Variants in RAPGEF6 observed in about 807,000 individuals in gnomAD.
RAPGEF6 encodes the protein Rap guanine nucleotide exchange factor 6.
Under a neutral mutation model 171.4 loss-of-function variants are expected in RAPGEF6, and 56 were observed. That is an observed-to-expected ratio of 0.33 (90% CI 0.26 to 0.41). RAPGEF6 has a LOEUF of 0.41. RAPGEF6 is among the 10% of genes least tolerant of loss of function. The probability of loss-of-function intolerance (pLI) is 1.00; values close to 1 mark genes in which losing one functional copy is unlikely to be tolerated. For synonymous variants in RAPGEF6, 692 were observed against 650.1 expected (o/e 1.06, Z -0.98); for missense variants, 1,674 against 1,921.4 (o/e 0.87, Z 2.41).
At chr5:131,509,465 C>T (rs1314313071) in intron 8 of RAPGEF6, among the ~76,000 whole-genome samples, 1 of 151,886 alleles carries the variant, frequency 6.6e-6, no homozygotes, top group Non-Finnish European at 1.5e-5. Flanking sequence ...ATGGCGTGAA[C>T]CCGGGAGGCG....
At chr5:131,634,082 ACACTACATAT>A (rs1457445676) in intron 1 of RAPGEF6, among the ~76,000 whole-genome samples, 2 of 152,208 alleles carry the variant, frequency 1.3e-5, no homozygotes, top group Non-Finnish European at 2.9e-5. Flanking sequence ...AGTATGCAAA[ACACTACATAT>A]CTGAAAAACT....
intron 7 of RAPGEF6, 125 bp from the exon 8 acceptor site, chr5:131,510,616 T>A: frequency 6.3e-6 from 5 of 787,792 alleles, no homozygotes; most frequent in Non-Finnish European, 7.8e-6. Context: ...GGATGCTGCA[T>A]CAAGAATACA....
At chr5:131,436,070 C>T in intron 24 of RAPGEF6, 2 of 1,537,736 alleles carry the variant, frequency 1.3e-6, no homozygotes, top group South Asian at 1.2e-5. Context: ...ATGTTGCTTC[C>T]AACATCCTTC....
At chr5:131,600,769 A>G (rs1457068223) in intron 3 of RAPGEF6, among the ~76,000 whole-genome samples, 1 of 152,146 alleles carries the variant, frequency 6.6e-6, no homozygotes, top group Non-Finnish European at 1.5e-5. Flanking sequence ...CAAAAGTAAA[A>G]CTCAATTCCA....
At chr5:131,443,480 A>G (rs1329336070) in intron 22 of RAPGEF6, among the ~76,000 whole-genome samples, 1 of 152,226 alleles carries the variant, frequency 6.6e-6, no homozygotes, top group Non-Finnish European at 1.5e-5. Context: ...TTCTCACTGT[A>G]TCAATTCTAG....
At chr5:131,609,894 C>T (rs866122236) in intron 1 of RAPGEF6, among the ~76,000 whole-genome samples, 4 of 152,180 alleles carry the variant, frequency 2.6e-5, no homozygotes, top group African/African-American at 9.7e-5. Context: ...TAGAATCCCA[C>T]ATACCAGAGT....
intron 19 of RAPGEF6, among the ~76,000 whole-genome samples, chr5:131,457,783 C>A (rs536458316): frequency 2.0e-5 from 3 of 152,184 alleles, no homozygotes; most frequent in South Asian, 4.2e-4. Flanking sequence ...GAATGCCCCA[C>A]AGATACTGAG....
chr5:131,472,655 G>A lies in RAPGEF6; in HGVS notation c.2171C>T (p.Thr724Ile). 2 of 1,613,800 alleles carry A rather than the reference G, an allele frequency of 1.2e-6. No individual in the cohort carries two copies. Among genetic ancestry groups the A allele is most frequent in the Non-Finnish European group, 1.7e-6 (2 of 1,179,656 alleles). Residue 724 changes from threonine (T) to isoleucine (I), a missense_variant, in exon 17 of 28, where the codon ACA becomes ATA. By Grantham distance (89) the Thr-to-Ile change is moderately conservative (BLOSUM62 -1). Coordinates refer to ENST00000509018, the MANE Select transcript of RAPGEF6 (RefSeq NM_016340.6). ...HSLAIMPIPGTLSSSSPDLLQ... is the reference protein window; with the variant it reads ...HSLAIMPIPGILSSSSPDLLQ... ...GAGATCAGGGCTGCTGGATGAGAGT[G>A]TTCCAGGGATGGGCATTATAGCCAG...
intron 4 of RAPGEF6, 56 bp downstream of exon 4, chr5:131,592,327 C>T (rs1218343768): frequency 2.5e-6 from 4 of 1,581,660 alleles, no homozygotes; most frequent in Admixed American, 3.5e-5. Context: ...AATATACATC[C>T]TATACAAAAT....
intron 17 of RAPGEF6, among the ~76,000 whole-genome samples, chr5:131,467,542 A>T (rs565050751): frequency 6.6e-6 from 1 of 152,350 alleles, no homozygotes; most frequent in African/African-American, 2.4e-5. Flanking sequence ...TTAGTAGGAA[A>T]ACCACATACA....
At chr5:131,435,596 T>C (rs1751962800) in intron 24 of RAPGEF6, among the ~76,000 whole-genome samples, 1 of 152,212 alleles carries the variant, frequency 6.6e-6, no homozygotes, top group Admixed American at 6.5e-5. Context: ...ACACAGTAAT[T>C]GCATTTTTTA....
intron 5 of RAPGEF6, among the ~76,000 whole-genome samples, chr5:131,553,206 G>C (rs915620129): frequency 5.3e-5 from 8 of 152,126 alleles, no homozygotes; most frequent in Admixed American, 2.6e-4. Flanking sequence ...GAGTGGAGCA[G>C]GAACACTGAG....
chr5:131,567,988 T>C (rs1000032886), intron 4 of RAPGEF6, among the ~76,000 whole-genome samples: 4 of 152,210 alleles, frequency 2.6e-5, no homozygotes, highest in Admixed American at 2.0e-4. Context: ...AAATCTATTT[T>C]GACTCAGGCT....
intron 1 of RAPGEF6, among the ~76,000 whole-genome samples, chr5:131,614,447 G>A (rs2150027228): frequency 6.6e-6 from 1 of 152,204 alleles, no homozygotes; most frequent in African/African-American, 2.4e-5. Context: ...TGAAAGGGAA[G>A]CAAGCACATC....
chr5:131,434,475 GC>G (rs1387548361), intron 24 of RAPGEF6, among the ~76,000 whole-genome samples: 3 of 152,182 alleles, frequency 2.0e-5, no homozygotes, highest in Non-Finnish European at 4.4e-5. Flanking sequence ...CTGGCCTCAA[GC>G]GATCCTCCCG....
chr5:131,433,319 G>T, intron 25 of RAPGEF6, 111 bp downstream of exon 25: 2 of 825,512 alleles, frequency 2.4e-6, no homozygotes, highest in Non-Finnish European at 4.0e-6. Flanking sequence ...ATTCTTTTAT[G>T]GATAACTCTG....
At chr5:131,547,914 A>T in intron 6 of RAPGEF6, 133 bp downstream of exon 6, 1 of 902,554 alleles carries the variant, frequency 1.1e-6, no homozygotes, top group Non-Finnish European at 1.7e-6. Flanking sequence ...ATTTAAAAAG[A>T]TTATATATTT....
chr5:131,479,280 T>C (rs1755310336), intron 16 of RAPGEF6, among the ~76,000 whole-genome samples: 2 of 152,036 alleles, frequency 1.3e-5, no homozygotes, highest in South Asian at 4.1e-4. Context: ...TAAAATAAAA[T>C]GGACAGTCTT....
chr5:131,559,067 C>A (rs1024635761), intron 5 of RAPGEF6, among the ~76,000 whole-genome samples: 2 of 152,140 alleles, frequency 1.3e-5, no homozygotes, highest in African/African-American at 4.8e-5. Context: ...GCGGCTCACA[C>A]CTGTTAATCC....
Sources: gnomAD v4.1 joint callset for allele counts (sites outside exome capture counted in the v4.1 genomes callset) on GRCh38, gnomAD v4.1.1 for gene constraint, MANE v1.5 for transcripts, NCBI Gene and HGNC (gene_info 2026-07-23, HGNC 2026-07-21) for gene names.